The following KLRG1 variants were observed in gnomAD, a reference collection of about 807,000 sequenced individuals.
KLRG1 encodes killer cell lectin like receptor G1.
KLRG1 carries 16 observed loss-of-function variants against 21.8 expected under a neutral mutation model. That is an observed-to-expected ratio of 0.73 (90% confidence interval 0.50 to 1.11). KLRG1 has a LOEUF of 1.11. KLRG1 is among the 50% of genes most tolerant of loss of function. KLRG1 has a pLI of 0.00. For missense variants in KLRG1, 173 were observed against 218.3 expected (o/e 0.79, Z 1.31); for synonymous variants, 69 against 75.9 (o/e 0.91, Z 0.47).
the KLRG1 span, chr12:9,165,441 A>G: frequency 7.8e-6 from 12 of 1,536,950 alleles, no homozygotes; most frequent in Middle Eastern, 1.7e-4. Context: ...ATTAATATGC[A>G]TAAAGCTAAC....
chr12:9,006,052 T>C (rs920330745), intron 3 of KLRG1, among the ~76,000 whole-genome samples: 6 of 152,202 alleles, frequency 3.9e-5, no homozygotes, highest in African/African-American at 1.2e-4. Context: ...TTAACAACCA[T>C]TTATTGTATA....
the KLRG1 span, chr12:9,066,453 T>A: frequency 6.6e-6 from 1 of 152,386 alleles, no homozygotes; most frequent in Non-Finnish European, 1.5e-5. Flanking sequence ...CTGCCCAACC[T>A]GGGCAGCAGC....
At chr12:9,147,555 T>G in the KLRG1 span, among the ~76,000 whole-genome samples, 1 of 152,314 alleles carries the variant, frequency 6.6e-6, no homozygotes, top group Non-Finnish European at 1.5e-5. Context: ...TCAATTAGCC[T>G]TTGAATTTCT....
chr12:9,196,297 C>T, the KLRG1 span: 4 of 1,483,438 alleles, frequency 2.7e-6, no homozygotes, highest in South Asian at 2.3e-5. Context: ...CAACTGGATA[C>T]TTTGCTTACC....
chr12:8,998,824 T>C (rs772861287), intron 3 of KLRG1, among the ~76,000 whole-genome samples: 12 of 152,354 alleles, frequency 7.9e-5, no homozygotes, highest in Non-Finnish European at 1.6e-4. Flanking sequence ...CTGGTTTCTT[T>C]TCTATACATA....
At chr12:8,998,523 A>T (rs773763177) in intron 3 of KLRG1, among the ~76,000 whole-genome samples, 1 of 152,024 alleles carries the variant, frequency 6.6e-6, no homozygotes, top group African/African-American at 2.4e-5. Context: ...CCCTGCCTCT[A>T]CAAAAAAATA....
chr12:9,009,233 A>G, intron 4 of KLRG1, among the ~76,000 whole-genome samples, 158 bp downstream of exon 4: 2 of 125,640 alleles, frequency 1.6e-5, no homozygotes, highest in East Asian at 2.4e-4. Flanking sequence ...ACAATGGGTA[A>G]GGGCAAAAAA....
At chr12:9,201,146 G>T in the KLRG1 span, 1 of 1,511,208 alleles carries the variant, frequency 6.6e-7, no homozygotes, top group Non-Finnish European at 9.1e-7. Flanking sequence ...GTGATAATTA[G>T]CATTGCCTCT....
At chr12:9,096,041 G>A in the KLRG1 span, among the ~76,000 whole-genome samples, 5 of 151,694 alleles carry the variant, frequency 3.3e-5, no homozygotes, top group South Asian at 6.3e-4. Context: ...TTACAGGCGT[G>A]AGCCACCGCG....
At position 9,010,107 on chromosome 12, in the gene KLRG1, GC is replaced by G. The variant is rs1298847511; in HGVS notation, c.*573del. The G allele has an allele frequency of 2.5e-6, 3 of 1,184,908 alleles. No individual in the cohort carries two copies. Among genetic ancestry groups the G allele is most frequent in the Non-Finnish European group, 3.6e-6 (3 of 832,512 alleles). The allele number at this position is 1,184,908 out of a possible 1,614,324, so 73.4% of individuals were successfully genotyped here. A position where few individuals can be genotyped will look rare whatever the true frequency, so the allele number is the denominator to read the frequency against. ...AAGCTGAGGTGGGAGGGTCGCTTGA[GC>G]CCAGGAGTTTGAGGCTGCAGTGAGC... On this transcript the variant is annotated 3_prime_UTR_variant, in exon 5 of 5. Coordinates refer to ENST00000356986, the MANE Select transcript of KLRG1 (RefSeq NM_005810.4).
At chr12:9,101,714 G>T in the KLRG1 span, 2 of 1,447,724 alleles carry the variant, frequency 1.4e-6, no homozygotes, top group Non-Finnish European at 9.5e-7. Flanking sequence ...TAGATTATAC[G>T]TCATAAAGAT....
the KLRG1 span, chr12:9,057,943 T>G: frequency 2.0e-5 from 3 of 152,200 alleles, no homozygotes; most frequent in South Asian, 4.1e-4. Context: ...CAAAAGTAGA[T>G]TAGAAGTTTA....
chr12:8,973,530 C>T (rs1353047957), intron 1 of KLRG1, among the ~76,000 whole-genome samples: 2 of 152,200 alleles, frequency 1.3e-5, no homozygotes, highest in African/African-American at 4.8e-5. Flanking sequence ...GAGACTGGGC[C>T]TTCATCAGAC....
At position 9,009,958 on chromosome 12, in the gene KLRG1, G is replaced by A; in HGVS notation, c.*421G>A. ...AAGTACATTATTGCTGTACTCCTCTGTACATTACTGATCCCTGATGGTATA... is the reference window on the plus strand; with the variant it reads ...AAGTACATTATTGCTGTACTCCTCTATACATTACTGATCCCTGATGGTATA... On this transcript the variant is annotated 3_prime_UTR_variant, in exon 5 of 5. Transcript: ENST00000356986. 1 of 1,528,858 alleles carries A rather than the reference G, an allele frequency of 6.5e-7. No homozygotes were observed. The highest frequency in any genetic ancestry group is 8.8e-7 in the Non-Finnish European group (1 of 1,141,060). 94.7% of individuals were successfully genotyped at this position (1,528,858 alleles called of 1,614,324 possible). A position where few individuals can be genotyped will look rare whatever the true frequency, so the allele number is the denominator to read the frequency against.
Position 8,966,348 on chromosome 12 carries a change from T to A in KLRG1, c.-156+16112T>A, listed in dbSNP as rs529123076. Among the ~76,000 whole-genome samples the A allele has an allele frequency of 6.3e-3, 964 of 152,056 alleles. 5 individuals carry two copies. Among genetic ancestry groups the A allele is most frequent in the Non-Finnish European group, 9.6e-3 (653 of 67,950 alleles). ...CCAAAATTGACAAATGGGATCTAAT[T>A]AAACTAAAGAGCTTCTGCACAGCAA... is the stretch of plus-strand genomic sequence containing the variant. On this transcript the variant is annotated intron_variant, in intron 1 of 4. Coordinates refer to the KLRG1 transcript ENST00000539240.
chr12:9,110,727 T>TA, the KLRG1 span, among the ~76,000 whole-genome samples: 1 of 152,068 alleles, frequency 6.6e-6, no homozygotes, highest in Non-Finnish European at 1.5e-5. Context: ...ATAAAAAGTT[T>TA]AAAAAATCTA....
the KLRG1 span, among the ~76,000 whole-genome samples, chr12:9,166,360 C>T: frequency 2.0e-5 from 3 of 152,198 alleles, no homozygotes; most frequent in African/African-American, 7.2e-5. Flanking sequence ...TGTGATCCCT[C>T]ATTCCCTGAA....
chr12:9,182,560 T>A, the KLRG1 span, among the ~76,000 whole-genome samples: 1 of 152,228 alleles, frequency 6.6e-6, no homozygotes, highest in African/African-American at 2.4e-5. Context: ...AAAAAAAAGT[T>A]CATACTAATT....
chr12:9,119,859 C>T, the KLRG1 span, among the ~76,000 whole-genome samples: 21 of 152,274 alleles, frequency 1.4e-4, no homozygotes, highest in South Asian at 3.5e-3. Flanking sequence ...CCTTTCACCA[C>T]GACAGAGCCT....
Sources: gnomAD v4.1 joint callset for allele counts (sites outside exome capture counted in the v4.1 genomes callset) on GRCh38, gnomAD v4.1.1 for gene constraint, MANE v1.5 for transcripts, NCBI Gene and HGNC (gene_info 2026-07-23, HGNC 2026-07-21) for gene names.